Variants in MGST2 observed in about 807,000 individuals in gnomAD.
MGST2 encodes the protein microsomal glutathione S-transferase 2, also known as glutathione peroxidase MGST2.
Under a neutral mutation model 16.6 loss-of-function variants are expected in MGST2, and 9 were observed. The ratio of observed to expected loss-of-function variants is 0.54; its 90% CI spans 0.33 to 0.95. The LOEUF (loss-of-function observed/expected upper bound fraction) is 0.95. Ranked by LOEUF, MGST2 falls within the 40% of genes least tolerant of loss-of-function variation. The pLI, the probability that MGST2 is intolerant of heterozygous loss-of-function variation, is 0.03. For missense variants in MGST2, 159 were observed against 175.1 expected (o/e 0.91, Z 0.52); for synonymous variants, 79 against 68.0 (o/e 1.16, Z -0.79).
intron 5 of MGST2, among the ~76,000 whole-genome samples, chr4:139,711,329 C>T (rs10034474): frequency 0.1 from 15,939 of 151,928 alleles, 2,136 homozygotes; most frequent in African/African-American, 0.3. Context: ...AATTCTTGCA[C>T]GAGTGAGTGC....
At chr4:139,685,919 C>G (rs1356972067) in intron 2 of MGST2, among the ~76,000 whole-genome samples, 1 of 152,216 alleles carries the variant, frequency 6.6e-6, no homozygotes, top group African/African-American at 2.4e-5. Context: ...CCTCCTTGGC[C>G]TCCCAAAGTG....
intron 5 of MGST2, among the ~76,000 whole-genome samples, chr4:139,739,679 G>GTTTCTTTTTTT (rs200037455): frequency 7.6e-6 from 1 of 132,358 alleles, no homozygotes; most frequent in Non-Finnish European, 1.6e-5. Flanking sequence ...GAGGAAAGCA[G>GTTTCTTTTTTT]TTTTTTTTTT....
intron 2 of MGST2, 44 bp downstream of exon 2, chr4:139,678,686 T>C (rs1731087400): frequency 7.0e-7 from 1 of 1,424,290 alleles, no homozygotes; most frequent in Non-Finnish European, 9.9e-7. Context: ...GTGCCTGCCA[T>C]ACAGACACAA....
At position 139,689,367 on chromosome 4, in the gene MGST2, C is replaced by T. The variant is rs145277485; in HGVS notation, c.159-5830C>T. 3.5e-4 allele frequency among the ~76,000 whole-genome samples: 54 copies of T among 152,226 alleles called. No individual in the cohort carries two copies. The East Asian group carries it at 5.0e-3, about 14-fold the overall frequency. On this transcript the variant is annotated intron_variant, in intron 2 of 4. Coordinates refer to ENST00000265498, the MANE Select transcript of MGST2 (RefSeq NM_002413.5). ...GGACTCATGCTCTCCTGCCACCAGC[C>T]GCCACCTCCCTATTGTGTCCCACTC...
chr4:139,729,626 TG>T (rs1728621599), intron 5 of MGST2, among the ~76,000 whole-genome samples: 1 of 152,140 alleles, frequency 6.6e-6, no homozygotes. Context: ...AGAAGCCGCC[TG>T]GGGATCTCTT....
At chr4:139,723,342 C>A (rs567064689) in intron 5 of MGST2, among the ~76,000 whole-genome samples, 1 of 152,214 alleles carries the variant, frequency 6.6e-6, no homozygotes, top group East Asian at 1.9e-4. Flanking sequence ...CACAGTTTTG[C>A]TCTTGTTGCC....
At chr4:139,730,709 G>C in intron 5 of MGST2, 2 of 1,557,430 alleles carry the variant, frequency 1.3e-6, no homozygotes, top group Non-Finnish European at 1.8e-6. Flanking sequence ...ATTCCCCATA[G>C]AGACTCACTG....
chr4:139,742,454 A>C (rs1031112336), downstream of MGST2, among the ~76,000 whole-genome samples: 3 of 152,182 alleles, frequency 2.0e-5, no homozygotes, highest in Non-Finnish European at 4.4e-5. Context: ...TGGCCGTCTT[A>C]AACTTTTCAC....
At chr4:139,677,259 T>G (rs1294751189) in intron 1 of MGST2, among the ~76,000 whole-genome samples, 1 of 152,196 alleles carries the variant, frequency 6.6e-6, no homozygotes, top group Non-Finnish European at 1.5e-5. Context: ...TGACATAGCC[T>G]CAGGAGGTCC....
intron 2 of MGST2, chr4:139,678,906 C>T: frequency 1.9e-6 from 1 of 536,444 alleles, no homozygotes; most frequent in Non-Finnish European, 3.4e-6. Context: ...TGCTGTGTCT[C>T]CCAAGGAGGG....
At chr4:139,700,306 TA>T (rs1727178743) in intron 3 of MGST2, among the ~76,000 whole-genome samples, 1 of 151,872 alleles carries the variant, frequency 6.6e-6, no homozygotes, top group Non-Finnish European at 1.5e-5. Context: ...TAATTTTTCG[TA>T]TTTTTAGTAG....
chr4:139,688,497 A>G (rs1726375856), intron 2 of MGST2, among the ~76,000 whole-genome samples: 1 of 151,500 alleles, frequency 6.6e-6, no homozygotes, highest in Non-Finnish European at 1.5e-5. Context: ...GCCTCTTCTC[A>G]TTCTACTGTG....
At position 139,698,423 on chromosome 4, in the gene MGST2, A is replaced by G. The variant is rs1450739878; in HGVS notation, c.229+3156A>G. Reference sequence around the variant, plus strand: ...TAATTTCACGGAGCGCCACAGTACCAGGCCTGTAACGATGAGGTTTCTTCA... The same window carrying G: ...TAATTTCACGGAGCGCCACAGTACCGGGCCTGTAACGATGAGGTTTCTTCA... On this transcript the variant is annotated intron_variant, in intron 3 of 4. Transcript: ENST00000265498. 1.1e-5 allele frequency: 16 copies of G among 1,491,184 alleles called. No individual in the cohort carries two copies. In the East Asian group the frequency reaches 3.2e-4, roughly 29 times the overall value. 92.4% of individuals were successfully genotyped at this position (1,491,184 alleles called of 1,614,324 possible). A position where few individuals can be genotyped will look rare whatever the true frequency, so the allele number is the denominator to read the frequency against.
chr4:139,716,429 A>G (rs1292797936), intron 5 of MGST2, among the ~76,000 whole-genome samples: 2 of 152,070 alleles, frequency 1.3e-5, no homozygotes, highest in Admixed American at 1.3e-4. Flanking sequence ...GAGCCTCCCT[A>G]CCTCCAGATG....
At chr4:139,747,979 G>A in the MGST2 span, among the ~76,000 whole-genome samples, 11 of 150,242 alleles carry the variant, frequency 7.3e-5, no homozygotes, top group Admixed American at 2.0e-4. Flanking sequence ...GCTTGAACCC[G>A]GGAGGTGGAG....
At chr4:139,671,178 G>A (rs1730675313) in intron 1 of MGST2, among the ~76,000 whole-genome samples, 1 of 152,126 alleles carries the variant, frequency 6.6e-6, no homozygotes, top group South Asian at 2.1e-4. Flanking sequence ...GCACAACCAG[G>A]TGTGTCCTAC....
intron 1 of MGST2, among the ~76,000 whole-genome samples, chr4:139,677,330 T>C (rs1210494094): frequency 6.6e-6 from 1 of 152,222 alleles, no homozygotes; most frequent in Admixed American, 6.5e-5. Flanking sequence ...CAGAGGGACA[T>C]GAGACATCAA....
intron 2 of MGST2, among the ~76,000 whole-genome samples, chr4:139,683,378 C>T (rs537588752): frequency 6.6e-6 from 1 of 152,140 alleles, no homozygotes; most frequent in South Asian, 2.1e-4. Context: ...GATGGCCTTG[C>T]GATGATCTGA....
intron 5 of MGST2, among the ~76,000 whole-genome samples, chr4:139,728,279 C>A (rs1728557529): frequency 6.6e-6 from 1 of 152,162 alleles, no homozygotes; most frequent in Non-Finnish European, 1.5e-5. Context: ...GGACAACCTG[C>A]ACTAAATCTG....
Sources: gnomAD v4.1 joint callset for allele counts (sites outside exome capture counted in the v4.1 genomes callset) on GRCh38, gnomAD v4.1.1 for gene constraint, MANE v1.5 for transcripts, NCBI Gene and HGNC (gene_info 2026-07-23, HGNC 2026-07-21) for gene names.